GRID2: variants seen among roughly 807,000 people sequenced by gnomAD.
GRID2 encodes glutamate ionotropic receptor delta type subunit 2, also known as glutamate receptor ionotropic, delta-2.
Under a neutral mutation model 114.8 loss-of-function variants are expected in GRID2, and 33 were observed. The ratio of observed to expected loss-of-function variants is 0.29; its 90% confidence interval spans 0.22 to 0.38. GRID2 has a LOEUF of 0.38. Among genes scored for constraint, GRID2 ranks in the 10% least tolerant of loss-of-function variants. The pLI is 1.00. For missense variants in GRID2, 1,184 were observed against 1,257.7 expected (o/e 0.94, Z 0.89); for synonymous variants, 505 against 449.9 (o/e 1.12, Z -1.55).
At chr4:92,848,015 C>A (rs909686276) in intron 2 of GRID2, among the ~76,000 whole-genome samples, 1 of 151,884 alleles carries the variant, frequency 6.6e-6, no homozygotes, top group African/African-American at 2.4e-5. Flanking sequence ...GTAATCAAAT[C>A]CCATCACTTT....
At chr4:93,432,626 T>C (rs923895786) in intron 10 of GRID2, among the ~76,000 whole-genome samples, 1 of 152,008 alleles carries the variant, frequency 6.6e-6, no homozygotes, top group Admixed American at 6.6e-5. Context: ...AGATGAAGCA[T>C]AGGGGATTTT....
At chr4:93,514,648 A>C (rs528279532) in intron 12 of GRID2, among the ~76,000 whole-genome samples, 174 of 152,230 alleles carry the variant, frequency 1.1e-3, no homozygotes, top group African/African-American at 3.9e-3. Flanking sequence ...AAATGGGTCA[A>C]ATAATTATTG....
intron 4 of GRID2, among the ~76,000 whole-genome samples, chr4:93,171,352 T>C (rs1475592657): frequency 1.3e-5 from 2 of 152,176 alleles, no homozygotes; most frequent in African/African-American, 4.8e-5. Flanking sequence ...CTCCAACTCT[T>C]TGTTTAAACA....
At chr4:93,026,647 C>CGT (rs1020236065) in intron 2 of GRID2, among the ~76,000 whole-genome samples, 4 of 151,206 alleles carry the variant, frequency 2.6e-5, no homozygotes, top group South Asian at 2.1e-4. Flanking sequence ...GTGAGGTGTG[C>CGT]GTGTGTGTGT....
intron 3 of GRID2, among the ~76,000 whole-genome samples, chr4:93,092,400 G>A (rs1204995179): frequency 6.6e-6 from 1 of 152,022 alleles, no homozygotes; most frequent in African/African-American, 2.4e-5. Context: ...AGTGATCAGA[G>A]GCCAAAATAG....
In GRID2 at chr4:93,017,793, G is replaced by A. The variant is rs192739144; in HGVS notation, c.245-67202G>A. ...CAGGACTCCAGCCAGGACAGAGCAA[G>A]GCTCCTTTTCAAGAAAAAAAAAAAA... On this transcript the variant is annotated intron_variant, in intron 2 of 15. Transcript: ENST00000282020. Among the ~76,000 whole-genome samples, 414 of 144,904 alleles carry A rather than the reference G, an allele frequency of 2.9e-3. 1 individual carries two copies. The highest frequency in any genetic ancestry group is 0.016 in the Middle Eastern group (4 of 254).
At chr4:93,742,876 CA>C (rs761809720) in intron 14 of GRID2, among the ~76,000 whole-genome samples, 1 of 151,990 alleles carries the variant, frequency 6.6e-6, no homozygotes, top group South Asian at 2.1e-4. Context: ...AATGAAAAAA[CA>C]AAAAGAGTCT....
chr4:93,766,945 G>A lies in GRID2; in HGVS notation c.2361-2265G>A, dbSNP rs190376037. Among the ~76,000 whole-genome samples, 42 of 152,160 alleles carry A rather than the reference G, an allele frequency of 2.8e-4. No homozygotes were observed. In the South Asian group the frequency reaches 5.8e-3, roughly 21 times the overall value. ...TAACTGAAGCTTTACACCTATCGAC[G>A]AGCAATACCAACATCATTTAAATGA... On this transcript the variant is annotated intron_variant, in intron 14 of 15. Transcript: ENST00000282020.
intron 2 of GRID2, among the ~76,000 whole-genome samples, chr4:93,020,138 G>C (rs1027086122): frequency 6.6e-6 from 1 of 152,054 alleles, no homozygotes; most frequent in African/African-American, 2.4e-5. Flanking sequence ...AATCATATTT[G>C]ATATTTACAA....
chr4:93,333,052 C>T (rs1051060908), intron 8 of GRID2, among the ~76,000 whole-genome samples: 3 of 152,094 alleles, frequency 2.0e-5, no homozygotes, highest in African/African-American at 7.2e-5. Context: ...TGATAATGAT[C>T]TGTTGACTGT....
chr4:93,608,106 A>ATG, intron 13 of GRID2, among the ~76,000 whole-genome samples: 1 of 82,652 alleles, frequency 1.2e-5, no homozygotes, highest in Non-Finnish European at 2.8e-5. Flanking sequence ...ATGTATATAT[A>ATG]CACACACACA....
At chr4:93,129,190 A>G (rs1734567408) in intron 4 of GRID2, among the ~76,000 whole-genome samples, 1 of 152,222 alleles carries the variant, frequency 6.6e-6, no homozygotes. Context: ...GTAACTGAGA[A>G]GTTTAGCAAT....
At chr4:93,529,454 C>G (rs72889105) in intron 13 of GRID2, among the ~76,000 whole-genome samples, 4,369 of 152,212 alleles carry the variant, frequency 0.029, 221 homozygotes, top group African/African-American at 0.099. Context: ...TAATCAGAGA[C>G]TCTTGGGGAG....
intron 10 of GRID2, among the ~76,000 whole-genome samples, chr4:93,424,156 A>G (rs1306340339): frequency 6.6e-6 from 1 of 151,344 alleles, no homozygotes; most frequent in Non-Finnish European, 1.5e-5. Context: ...TATTTTATTA[A>G]CCTCATACCA....
intron 2 of GRID2, among the ~76,000 whole-genome samples, chr4:92,656,473 A>T (rs562857066): frequency 4.1e-3 from 424 of 103,072 alleles, no homozygotes; most frequent in African/African-American, 0.01. Flanking sequence ...AAGAAAAATT[A>T]AAAAAAAAAA....
chr4:93,625,053 G>A (rs901752276), intron 13 of GRID2, among the ~76,000 whole-genome samples: 1 of 152,196 alleles, frequency 6.6e-6, no homozygotes, highest in African/African-American at 2.4e-5. Flanking sequence ...AATTTAGAAG[G>A]ACACAGGACA....
At chr4:93,511,371 A>G (rs1729158344) in intron 12 of GRID2, among the ~76,000 whole-genome samples, 3 of 152,224 alleles carry the variant, frequency 2.0e-5, no homozygotes. Flanking sequence ...CAGTGTATGT[A>G]CTGTTCATAC....
intron 1 of GRID2, among the ~76,000 whole-genome samples, chr4:92,573,314 C>G (rs1184429601): frequency 6.6e-6 from 1 of 152,046 alleles, no homozygotes; most frequent in Non-Finnish European, 1.5e-5. Flanking sequence ...CTATCTCCTT[C>G]AGTTCTGCTC....
At chr4:92,487,627 G>A (rs1207513188) in intron 1 of GRID2, among the ~76,000 whole-genome samples, 1 of 151,810 alleles carries the variant, frequency 6.6e-6, no homozygotes, top group African/African-American at 2.4e-5. Context: ...TCTTCTATAT[G>A]CTATATCCCA....
Sources: gnomAD v4.1 joint callset for allele counts (sites outside exome capture counted in the v4.1 genomes callset) on GRCh38, gnomAD v4.1.1 for gene constraint, MANE v1.5 for transcripts, NCBI Gene and HGNC (gene_info 2026-07-23, HGNC 2026-07-21) for gene names.